MACF1: variants seen among roughly 807,000 people sequenced by gnomAD.
MACF1 encodes microtubule-actin cross-linking factor 1.
Under a neutral mutation model 854.8 loss-of-function variants are expected in MACF1, and 193 were observed. The ratio of observed to expected loss-of-function variants is 0.23; its 90% CI spans 0.20 to 0.25. The LOEUF (loss-of-function observed/expected upper bound fraction) is 0.25. Among genes scored for constraint, MACF1 ranks in the 10% least tolerant of loss-of-function variants. The probability of loss-of-function intolerance (pLI) is 1.00; values close to 1 mark genes in which losing one functional copy is unlikely to be tolerated. For missense variants in MACF1, 7,722 were observed against 8,929.1 expected (o/e 0.86, Z 5.45); for synonymous variants, 3,185 against 3,226.7 (o/e 0.99, Z 0.44).
At chr1:39,284,299 G>T in intron 10 of MACF1, 34 bp from the exon 11 acceptor site, 1 of 1,566,232 alleles carries the variant, frequency 6.4e-7, no homozygotes, top group Non-Finnish European at 8.6e-7. Flanking sequence ...CCTATAGTTT[G>T]TGTCCATTTA....
rs769749538 is a variant in MACF1, at chr1:39,441,117, A to T, written c.18562A>T (p.Ile6188Phe). Reference sequence around the variant, plus strand: ...TGAGAAGCCTGAAGTGAGGAAGAGCATTGATGAGGTGTGGAGAAATGGATG... The same window carrying T: ...TGAGAAGCCTGAAGTGAGGAAGAGCTTTGATGAGGTGTGGAGAAATGGATG... Reference protein sequence around the residue: ...ETEKPEVRKSIDEMNNAWENL... With the variant: ...ETEKPEVRKSFDEMNNAWENL... Residue 6188 changes from isoleucine (I) to phenylalanine (F), a missense_variant, in exon 73 of 101, where the codon ATT (isoleucine) becomes TTT (phenylalanine). Ile to Phe is a conservative substitution (Grantham distance 21). Around this residue, in one of 15 missense-constraint regions of MACF1, gnomAD observed 2,807 missense variants for 3,235.8 expected, o/e 0.87. Transcript: ENST00000564288. The T allele has an allele frequency of 6.2e-7, 1 of 1,614,218 alleles. No homozygotes were observed. The highest frequency in any genetic ancestry group is 8.5e-7 in the Non-Finnish European group (1 of 1,180,038).
intron 1 of MACF1, among the ~76,000 whole-genome samples, chr1:39,212,797 A>AT (rs1571180117): frequency 1.3e-5 from 2 of 151,864 alleles, no homozygotes; most frequent in Non-Finnish European, 2.9e-5. Context: ...TAATTTTTGT[A>AT]TTTTTTTAGT....
chr1:39,164,446 T>C (rs1643864253), intron 2 of MACF1, among the ~76,000 whole-genome samples: 1 of 152,220 alleles, frequency 6.6e-6, no homozygotes, highest in Non-Finnish European at 1.5e-5. Context: ...GATGTTTTAT[T>C]ATCCAGTTAA....
intron 2 of MACF1, among the ~76,000 whole-genome samples, chr1:39,179,271 G>A (rs1461532495): frequency 1.3e-5 from 2 of 152,122 alleles, no homozygotes; most frequent in East Asian, 3.8e-4. Flanking sequence ...AGGAAAACTT[G>A]CTCCACTCAG....
chr1:39,324,789 A>G (rs745409073), intron 35 of MACF1, 55 bp downstream of exon 35: 95 of 1,317,436 alleles, frequency 7.2e-5, no homozygotes, highest in Non-Finnish European at 9.6e-5. Flanking sequence ...CTATCAGTCT[A>G]AAACTTACAG....
chr1:39,468,736 A>G lies in MACF1; in HGVS notation c.21889+4A>G. On this transcript the variant is annotated splice_donor_region_variant and intron_variant, in intron 96 of 100. Coordinates refer to ENST00000564288, the MANE Select transcript of MACF1 (RefSeq NM_001394062.1). ...GTGAAAAATGATCCCTGCCGAGGTA[A>G]GGAACCATTCTAAGCATGAATTACG... 5.0e-6 allele frequency: 8 copies of G among 1,611,848 alleles called. No homozygotes were observed. Among genetic ancestry groups the G allele is most frequent in the Non-Finnish European group, 6.8e-6 (8 of 1,177,898 alleles).
intron 38 of MACF1, 119 bp downstream of exon 38, chr1:39,337,450 C>T: frequency 1.1e-6 from 1 of 931,996 alleles, no homozygotes. Flanking sequence ...TAAACAATCT[C>T]AGACCCTTGT....
rs745709759 is a variant in MACF1, at chr1:39,387,604, A to G, written c.14762A>G (p.Asp4921Gly). 18 of 1,614,092 alleles carry G rather than the reference A, an allele frequency of 1.1e-5. No individual in the cohort carries two copies. The highest frequency in any genetic ancestry group is 1.4e-5 in the Non-Finnish European group (16 of 1,180,046). Residue 4921 changes from aspartate (D) to glycine (G), a missense_variant, in exon 58 of 101, where the codon GAT (aspartate) becomes GGT (glycine). Transcript: ENST00000564288. ...HVEDLVPWIE[D>G]CKAKMSELRV... Reference sequence around the variant, plus strand: ...GAAGACCTTGTGCCATGGATAGAAGATTGTAAAGCTAAGATGTCTGAGTTG... The same window carrying G: ...GAAGACCTTGTGCCATGGATAGAAGGTTGTAAAGCTAAGATGTCTGAGTTG...
At chr1:39,224,592 AG>A (rs1644691081) in intron 1 of MACF1, among the ~76,000 whole-genome samples, 1 of 152,164 alleles carries the variant, frequency 6.6e-6, no homozygotes, top group Non-Finnish European at 1.5e-5. Flanking sequence ...TAGAATAAAT[AG>A]GAGGTGGGGA....
intron 17 of MACF1, 105 bp from the exon 18 acceptor site, chr1:39,293,353 G>C (rs1431073461): frequency 1.9e-6 from 2 of 1,077,824 alleles, no homozygotes; most frequent in African/African-American, 3.2e-5. Flanking sequence ...CAGAGATTAA[G>C]AGCAAATTAA....
intron 72 of MACF1, 22 bp downstream of exon 72, chr1:39,439,522 T>C: frequency 6.3e-7 from 1 of 1,582,898 alleles, no homozygotes; most frequent in Non-Finnish European, 8.7e-7. Flanking sequence ...ACAAAACCCT[T>C]TTTCTTAGGT....
chr1:39,153,527 G>C (rs192124998), intron 2 of MACF1, among the ~76,000 whole-genome samples: 1 of 152,304 alleles, frequency 6.6e-6, no homozygotes, highest in East Asian at 1.9e-4. Flanking sequence ...AGGGTCTGTA[G>C]CCTAAAGCAT....
chr1:39,485,015 C>T, intron 100 of MACF1: 1 of 489,738 alleles, frequency 2.0e-6, no homozygotes, highest in Non-Finnish European at 3.7e-6. Context: ...TGTGGGTCTT[C>T]CTCAGACACC....
chr1:39,310,327 G>A lies in MACF1; in HGVS notation c.2999G>A (p.Arg1000His), dbSNP rs369062828. 2.2e-5 allele frequency: 36 copies of A among 1,614,040 alleles called. No homozygotes were observed. Among genetic ancestry groups the A allele is most frequent in the East Asian group, 2.0e-4 (9 of 44,890 alleles). The change falls in exon 25 of 101, where the codon CGT becomes CAT. Residue 1000 changes from arginine to histidine, a missense_variant. Physicochemically the swap from Arg to His is conservative, Grantham distance 29. Coordinates refer to ENST00000564288, the MANE Select transcript of MACF1 (RefSeq NM_001394062.1). ...TATGAAGACTTTCTGCAGGATAGTC[G>A]TGACTCTGTGCTGTTCTCAGTGGCT... ...AHYEDFLQDSRDSVLFSVADR... is the reference protein window; with the variant it reads ...AHYEDFLQDSHDSVLFSVADR...
Position 39,285,600 on chromosome 1 carries a change from T to C in MACF1, c.1354-4T>C. On this transcript the variant is annotated splice_polypyrimidine_tract_variant and splice_region_variant and intron_variant, in intron 13 of 100. Transcript: ENST00000564288. ...CCCACTGTTATTCTCTCTTCCTGTCTCAGGATGCTGCTCACCTGGAATCAG... is the reference window on the plus strand; with the variant it reads ...CCCACTGTTATTCTCTCTTCCTGTCCCAGGATGCTGCTCACCTGGAATCAG... The C allele has an allele frequency of 6.2e-7, 1 of 1,612,902 alleles. No individual in the cohort carries two copies. The highest frequency in any genetic ancestry group is 8.5e-7 in the Non-Finnish European group (1 of 1,179,048).
intron 40 of MACF1, among the ~76,000 whole-genome samples, chr1:39,341,280 C>A (rs957030751): frequency 6.6e-6 from 1 of 151,496 alleles, no homozygotes; most frequent in Non-Finnish European, 1.5e-5. Context: ...GTGATCCGCC[C>A]ACCTCGGCCT....
chr1:39,327,950 T>TG (rs1189203373), intron 36 of MACF1, among the ~76,000 whole-genome samples: 1 of 152,226 alleles, frequency 6.6e-6, no homozygotes, highest in Non-Finnish European at 1.5e-5. Context: ...CCTGGATACT[T>TG]GTGCGTGTGT....
intron 15 of MACF1, among the ~76,000 whole-genome samples, chr1:39,291,318 G>A (rs980867805): frequency 6.6e-6 from 1 of 152,292 alleles, no homozygotes; most frequent in African/African-American, 2.4e-5. Context: ...GTATTCCGCA[G>A]TTCCAAGGGG....
chr1:39,368,363 T>A (rs1648917658), intron 50 of MACF1, 49 bp downstream of exon 50: 3 of 1,538,694 alleles, frequency 1.9e-6, no homozygotes, highest in Non-Finnish European at 1.8e-6. Context: ...TTTTTTCTTG[T>A]TATGGAGTGA....
Sources: gnomAD v4.1 joint callset for allele counts (sites outside exome capture counted in the v4.1 genomes callset) on GRCh38, gnomAD v4.1.1 for gene constraint, gnomAD v4.1.1 regional missense constraint, MANE v1.5 for transcripts, NCBI Gene and HGNC (gene_info 2026-07-23, HGNC 2026-07-21) for gene names.